MEMO1: variants seen among roughly 807,000 people sequenced by gnomAD.
The protein encoded by MEMO1 is protein MEMO1.
MEMO1 carries 6 observed loss-of-function variants against 45.2 expected under a neutral mutation model. The ratio of observed to expected loss-of-function variants is 0.13; its 90% confidence interval spans 0.07 to 0.26. MEMO1 has a LOEUF of 0.26. Ranked by LOEUF, MEMO1 falls within the 10% of genes least tolerant of loss-of-function variation. The pLI is 1.00. For synonymous variants in MEMO1, 78 were observed against 124.3 expected, an observed-to-expected ratio of 0.63 and a Z score of 2.48; for missense variants, 184 against 370.5, an observed-to-expected ratio of 0.50 and a Z score of 4.13.
intron 6 of MEMO1, among the ~76,000 whole-genome samples, chr2:31,895,883 C>T (rs1271011083): frequency 2.1e-5 from 3 of 143,046 alleles, no homozygotes; most frequent in Non-Finnish European, 4.5e-5. Context: ...CTCGCTGTCG[C>T]CCAGGCTGGA....
chr2:32,008,457 G>C (rs1223097131), intron 2 of MEMO1, among the ~76,000 whole-genome samples: 1 of 152,152 alleles, frequency 6.6e-6, no homozygotes, highest in Admixed American at 6.5e-5. Flanking sequence ...GGTGGCGCGC[G>C]CCTGTAATCT....
intron 8 of MEMO1, among the ~76,000 whole-genome samples, chr2:31,878,508 A>C (rs1674892925): frequency 6.6e-6 from 1 of 152,120 alleles, no homozygotes; most frequent in Admixed American, 6.6e-5. Flanking sequence ...TGAATTAAGA[A>C]AGCCTATGAG....
intron 4 of MEMO1, among the ~76,000 whole-genome samples, 194 bp from the exon 5 acceptor site, chr2:31,921,104 T>C (rs1682257709): frequency 6.6e-6 from 1 of 152,182 alleles, no homozygotes; most frequent in Admixed American, 6.5e-5. Context: ...ACTGTAGTGC[T>C]ATTTAGAGAT....
At chr2:31,984,272 T>C (rs1671006175) in intron 2 of MEMO1, among the ~76,000 whole-genome samples, 1 of 152,018 alleles carries the variant, frequency 6.6e-6, no homozygotes. Context: ...TATGATGAGG[T>C]CATTATACCT....
At chr2:31,957,947 T>C in intron 2 of MEMO1, among the ~76,000 whole-genome samples, 1 of 152,208 alleles carries the variant, frequency 6.6e-6, no homozygotes, top group East Asian at 1.9e-4. Context: ...TGCCAGCTCA[T>C]CCATCTAAAA....
intron 2 of MEMO1, among the ~76,000 whole-genome samples, chr2:31,988,362 C>T (rs1340432920): frequency 6.6e-6 from 1 of 151,940 alleles, no homozygotes; most frequent in African/African-American, 2.4e-5. Context: ...CCCTCGCCAA[C>T]ATGGTAAAAC....
At chr2:31,936,112 C>T (rs538767053) in intron 3 of MEMO1, among the ~76,000 whole-genome samples, 8 of 151,884 alleles carry the variant, frequency 5.3e-5, no homozygotes, top group Non-Finnish European at 1.0e-4. Context: ...TACAGGCATC[C>T]GTCACCACAC....
intron 6 of MEMO1, among the ~76,000 whole-genome samples, chr2:31,917,557 C>T (rs1167550502): frequency 6.6e-6 from 1 of 152,120 alleles, no homozygotes; most frequent in Non-Finnish European, 1.5e-5. Context: ...ACATTAAATA[C>T]AAGCCTAAAA....
chr2:31,969,237 G>A (rs1475780468), intron 2 of MEMO1, among the ~76,000 whole-genome samples: 2 of 151,322 alleles, frequency 1.3e-5, no homozygotes, highest in East Asian at 1.9e-4. Flanking sequence ...AGACTTACTG[G>A]TAAGTGATTT....
rs1674738351 is a variant in MEMO1 at position 32,010,418 on chromosome 2, G to A, written c.-17-154C>T. ...AGGAGGAGGAAGAGGAGGAGGCGGC[G>A]GCCCAGGAGGAGGAGATGGCAGCCG... On this transcript the variant is annotated intron_variant, in intron 1 of 9. Transcript: ENST00000404530. The A allele has an allele frequency of 4.8e-6, 2 of 415,508 alleles. 1 individual carries two copies. The highest frequency in any genetic ancestry group is 5.1e-5 in the South Asian group (2 of 38,864). The allele number at this position is 415,508 out of a possible 1,614,324, so 25.7% of individuals were successfully genotyped here.
At chr2:32,008,252 T>C (rs1419752064) in intron 2 of MEMO1, among the ~76,000 whole-genome samples, 3 of 152,240 alleles carry the variant, frequency 2.0e-5, no homozygotes, top group African/African-American at 7.2e-5. Flanking sequence ...CCAGAATCAC[T>C]TGCCCACATT....
At chr2:31,961,371 C>T (rs1667987741) in intron 2 of MEMO1, among the ~76,000 whole-genome samples, 1 of 151,854 alleles carries the variant, frequency 6.6e-6, no homozygotes, top group African/African-American at 2.4e-5. Context: ...AAAGAGGCAA[C>T]AATATGCCAG....
intron 8 of MEMO1, among the ~76,000 whole-genome samples, chr2:31,881,899 T>G (rs984027982): frequency 6.6e-6 from 1 of 152,070 alleles, no homozygotes; most frequent in African/African-American, 2.4e-5. Flanking sequence ...ATCCCAGGAC[T>G]TTTGAGAGGC....
intron 8 of MEMO1, among the ~76,000 whole-genome samples, chr2:31,882,599 C>T (rs1675574463): frequency 6.6e-6 from 1 of 151,910 alleles, no homozygotes; most frequent in East Asian, 1.9e-4. Flanking sequence ...AATAAATTAA[C>T]AAAACAAAAC....
chr2:31,939,753 T>A (rs193230919), intron 3 of MEMO1, among the ~76,000 whole-genome samples: 1 of 152,296 alleles, frequency 6.6e-6, no homozygotes, highest in East Asian at 1.9e-4. Context: ...CTGACTCACT[T>A]CATATACAAA....
At chr2:31,937,917 C>T (rs192241678) in intron 3 of MEMO1, among the ~76,000 whole-genome samples, 2 of 152,264 alleles carry the variant, frequency 1.3e-5, no homozygotes, top group East Asian at 1.9e-4. Context: ...CTGCATAGTG[C>T]AAGACAAGCA....
At chr2:31,931,973 C>T (rs1339936734) in intron 4 of MEMO1, 94 bp downstream of exon 4, 9 of 1,029,760 alleles carry the variant, frequency 8.7e-6, no homozygotes, top group Non-Finnish European at 1.3e-5. Flanking sequence ...AAATTGAGTA[C>T]ATAATAACAA....
intron 3 of MEMO1, among the ~76,000 whole-genome samples, chr2:31,941,597 C>G (rs1665622684): frequency 6.6e-6 from 1 of 152,182 alleles, no homozygotes; most frequent in Non-Finnish European, 1.5e-5. Flanking sequence ...TGGCCTTTAG[C>G]CTGGTATGTA....
chr2:31,882,493 T>C (rs1412966761), intron 8 of MEMO1, among the ~76,000 whole-genome samples: 1 of 152,114 alleles, frequency 6.6e-6, no homozygotes, highest in Non-Finnish European at 1.5e-5. Flanking sequence ...GAATTTTAGA[T>C]TTTGAGAGCT....
Sources: allele counts gnomAD v4.1 joint callset (sites outside exome capture counted in the v4.1 genomes callset), GRCh38; gene constraint gnomAD v4.1.1; transcripts MANE v1.5; gene names NCBI Gene and HGNC (gene_info 2026-07-23, HGNC 2026-07-21).